IL22RA1: variants seen among roughly 807,000 people sequenced by gnomAD.
The protein encoded by IL22RA1 is interleukin 22 receptor subunit alpha 1, also known as interleukin-22 receptor subunit alpha-1.
Under a neutral mutation model 32.8 loss-of-function variants are expected in IL22RA1, and 25 were observed. The observed-to-expected ratio is 0.76, with a 90% CI of 0.55 to 1.06. The LOEUF (loss-of-function observed/expected upper bound fraction) is 1.06, where lower values mean the gene tolerates loss of function less well. Among genes scored for constraint, IL22RA1 ranks in the 50% least tolerant of loss-of-function variants. IL22RA1 has a pLI of 0.00. For missense variants in IL22RA1, 709 were observed against 727.4 expected, an observed-to-expected ratio of 0.97 and a Z score of 0.29; for synonymous variants, 305 against 305.0, an observed-to-expected ratio of 1.00 and a Z score of 0.00.
In IL22RA1 at chr1:24,120,403, C is replaced by T. The variant is rs914073987; in HGVS notation, c.*402G>A. 6.6e-5 allele frequency: 11 copies of T among 166,284 alleles called. No individual in the cohort carries two copies. Among genetic ancestry groups the T allele is most frequent in the Non-Finnish European group, 1.3e-4 (10 of 77,802 alleles). The allele number at this position is 166,284 out of a possible 1,614,324, so 10.3% of individuals were successfully genotyped here. A position where few individuals can be genotyped will look rare whatever the true frequency, so the allele number is the denominator to read the frequency against. On this transcript the variant is annotated 3_prime_UTR_variant, in exon 7 of 7. Transcript: ENST00000270800. Reference sequence around the variant, plus strand: ...AAGAGGCAGGGGCCTCATGCTCTGTCGAGCTAGATTGTGAAACTGGCCAGG... The same window carrying T: ...AAGAGGCAGGGGCCTCATGCTCTGTTGAGCTAGATTGTGAAACTGGCCAGG...
chr1:24,138,703 C>A lies in IL22RA1; in HGVS notation c.55G>T (p.Glu19Ter). The part of the protein sequence containing the change: ...TVGSLAAHAP[E>*]DPSDLLQHVK... ...TGCTGGAGCAGATCCGAGGGGTCCT[C>A]AGGGGCGTGAGCTGCAGGAGGGTGG... Residue 19 changes from glutamate to a stop codon, truncating the protein, a stop_gained, in exon 2 of 7, where the codon GAG becomes TAG. Transcript: ENST00000270800. LOFTEE classifies it high-confidence loss of function. 1 of 1,614,060 alleles carries A rather than the reference C, an allele frequency of 6.2e-7. No homozygotes were observed. Among genetic ancestry groups the A allele is most frequent in the Non-Finnish European group, 8.5e-7 (1 of 1,179,982 alleles).
chr1:24,124,848 T>A (rs1388187761), intron 5 of IL22RA1, among the ~76,000 whole-genome samples: 1 of 152,142 alleles, frequency 6.6e-6, no homozygotes, highest in Non-Finnish European at 1.5e-5. Context: ...CACCCGAATG[T>A]CTATAACATT....
In IL22RA1 at chr1:24,121,593, C is replaced by A. The variant is rs750294254; in HGVS notation, c.937G>T (p.Ala313Ser). 1.9e-6 allele frequency: 3 copies of A among 1,612,748 alleles called. No homozygotes were observed. The South Asian group carries it at 3.3e-5, about 18-fold the overall frequency. Residue 313 changes from alanine (A) to serine (S), a missense_variant, in exon 7 of 7, where the codon GCA becomes TCA. Physicochemically the swap from Ala to Ser is moderately conservative, Grantham distance 99. Coordinates refer to ENST00000270800, the MANE Select transcript of IL22RA1 (RefSeq NM_021258.4). ...AGGCTATGCCGCTGTGGAGCTCCTG[C>A]GGGCTCCCTGGGTCCAGACACCCTG... ...QIRVSGPREP[A>S]GAPQRHSLSE...
At chr1:24,131,512 C>T (rs1262828929) in intron 4 of IL22RA1, among the ~76,000 whole-genome samples, 1 of 151,916 alleles carries the variant, frequency 6.6e-6, no homozygotes, top group Non-Finnish European at 1.5e-5. Flanking sequence ...AGTATGACTA[C>T]AAATAAAAAG....
intron 3 of IL22RA1, among the ~76,000 whole-genome samples, chr1:24,136,292 G>A (rs149663313): frequency 1.5e-4 from 23 of 152,332 alleles, no homozygotes; most frequent in Non-Finnish European, 2.6e-4. Flanking sequence ...TATGCTGAGG[G>A]CTGGGAATGC....
At chr1:24,142,372 G>C (rs892682019) in intron 1 of IL22RA1, among the ~76,000 whole-genome samples, 8 of 152,266 alleles carry the variant, frequency 5.3e-5, no homozygotes, top group African/African-American at 1.9e-4. Flanking sequence ...AGAGCAGAGA[G>C]AGAGTCTAGG....
rs370338743 is a variant in IL22RA1 at position 24,143,048 on chromosome 1, G to A, written c.35C>T (p.Ser12Phe). 46 of 1,613,268 alleles carry A rather than the reference G, an allele frequency of 2.9e-5. No homozygotes were observed. The African/African-American group carries it at 5.5e-4, about 19-fold the overall frequency. The change falls in exon 1 of 7, where the codon TCC (serine) becomes TTC (phenylalanine). Residue 12 changes from serine (S) to phenylalanine (F), a missense_variant. Transcript: ENST00000270800. ...RTLLTILTVG[S>F]LAAHAPEDPS... is the part of the protein sequence containing the mutation. ...GGTAGATGGGCACTCACCAGCCAGG[G>A]ATCCCACAGTCAAGATGGTCAGCAG...
intron 6 of IL22RA1, 84 bp from the exon 7 acceptor site, chr1:24,121,821 T>C (rs932878385): frequency 1.4e-5 from 16 of 1,131,376 alleles, no homozygotes; most frequent in Non-Finnish European, 1.8e-5. Context: ...GGTGAGGTCC[T>C]CCATAGGGAG....
chr1:24,124,443 G>A (rs7355010), intron 5 of IL22RA1, among the ~76,000 whole-genome samples: 29,362 of 152,148 alleles, frequency 0.19, 3,232 homozygotes, highest in African/African-American at 0.29. Context: ...GGTGCAGCCA[G>A]TTCCAGGCAG....
rs1317781400 is a variant in IL22RA1 at position 24,121,536 on chromosome 1, T to A, written c.994A>T (p.Ile332Phe). Residue 332 changes from isoleucine (I) to phenylalanine (F), a missense_variant, in exon 7 of 7, where the codon ATC becomes TTC. Coordinates refer to ENST00000270800, the MANE Select transcript of IL22RA1 (RefSeq NM_021258.4). Reference sequence around the variant, plus strand: ...ACGTTGGAGGGCTGGAGGATGGAGATGTCTGGCTGCCCTAAGTAGGTGATC... The same window carrying A: ...ACGTTGGAGGGCTGGAGGATGGAGAAGTCTGGCTGCCCTAAGTAGGTGATC... ...SEITYLGQPD[I>F]SILQPSNVPP... 6.3e-7 allele frequency: 1 copy of A among 1,597,394 alleles called. No individual in the cohort carries two copies. Among genetic ancestry groups the A allele is most frequent in the East Asian group, 2.2e-5 (1 of 44,498 alleles).
rs184662831 is a variant in IL22RA1, at chr1:24,128,471, T to C, written c.532-192A>G. Among the ~76,000 whole-genome samples, 604 of 152,164 alleles carry C rather than the reference T, an allele frequency of 4.0e-3. 4 individuals carry two copies. The highest frequency in any genetic ancestry group is 0.014 in the African/African-American group (563 of 41,520). On this transcript the variant is annotated intron_variant, in intron 4 of 6. Coordinates refer to ENST00000270800, the MANE Select transcript of IL22RA1 (RefSeq NM_021258.4). Reference sequence around the variant, plus strand: ...GTCTCCAAGCACGTGTGCCTTTCACTTGCAATAGTGTCTGGCCCATAGGCA... The same window carrying C: ...GTCTCCAAGCACGTGTGCCTTTCACCTGCAATAGTGTCTGGCCCATAGGCA...
rs1013218093 is a variant in IL22RA1 at position 24,121,376 on chromosome 1, A to G, written c.1154T>C (p.Val385Ala). 6.4e-7 allele frequency: 1 copy of G among 1,572,292 alleles called. No homozygotes were observed. Among genetic ancestry groups the G allele is most frequent in the African/African-American group, 1.4e-5 (1 of 73,984 alleles). Residue 385 changes from valine (V) to alanine (A), a missense_variant, in exon 7 of 7, where the codon GTC (valine) becomes GCC (alanine). Physicochemically the swap from Val to Ala is moderately conservative, Grantham distance 64. Coordinates refer to ENST00000270800, the MANE Select transcript of IL22RA1 (RefSeq NM_021258.4). Reference sequence around the variant, plus strand: ...TTGAGGGGCATAGGAGGAAGGCTGGACCTTAGAGATGGCCTGTGGGGCGTA... The same window carrying G: ...TTGAGGGGCATAGGAGGAAGGCTGGGCCTTAGAGATGGCCTGTGGGGCGTA... Reference protein sequence around the residue: ...PFYAPQAISKVQPSSYAPQAT... With the variant: ...PFYAPQAISKAQPSSYAPQAT...
rs1644112839 is a variant in IL22RA1 at position 24,120,611 on chromosome 1, T to C, written c.*194A>G. The C allele has an allele frequency of 5.2e-6, 3 of 581,446 alleles. No individual in the cohort carries two copies. The highest frequency in any genetic ancestry group is 9.1e-6 in the Non-Finnish European group (3 of 331,142). The allele number at this position is 581,446 out of a possible 1,614,324, so 36.0% of individuals were successfully genotyped here. A position where few individuals can be genotyped will look rare whatever the true frequency, so the allele number is the denominator to read the frequency against. ...CCCAGAGCTCCCCCGCTGCAGTCCT[T>C]ATCATGCTGCTTTGCTCCGGTGAGG... is the stretch of plus-strand genomic sequence containing the variant. On this transcript the variant is annotated 3_prime_UTR_variant, in exon 7 of 7. Coordinates refer to ENST00000270800, the MANE Select transcript of IL22RA1 (RefSeq NM_021258.4).
chr1:24,133,087 C>A (rs543940309), intron 4 of IL22RA1, among the ~76,000 whole-genome samples: 1 of 151,370 alleles, frequency 6.6e-6, no homozygotes, highest in East Asian at 2.0e-4. Context: ...GCATGTATTA[C>A]CTGGCATGCC....
At chr1:24,136,910 TG>T (rs200393004) in intron 3 of IL22RA1, among the ~76,000 whole-genome samples, 7 of 136,362 alleles carry the variant, frequency 5.1e-5, no homozygotes, top group Admixed American at 1.6e-4. Context: ...CTAGGGAGGT[TG>T]GGGTGGAGGT....
chr1:24,132,427 GTTCACGCCATTC>G (rs1644212420), intron 4 of IL22RA1, among the ~76,000 whole-genome samples: 1 of 151,414 alleles, frequency 6.6e-6, no homozygotes, highest in African/African-American at 2.4e-5. Flanking sequence ...CACCTCCCGG[GTTCACGCCATTC>G]TTCTACCTCA....
intron 5 of IL22RA1, among the ~76,000 whole-genome samples, chr1:24,126,424 T>C (rs541999269): frequency 1.2e-4 from 19 of 152,326 alleles, no homozygotes; most frequent in African/African-American, 4.6e-4. Flanking sequence ...CTGCCTGGCC[T>C]CTGATTATCA....
chr1:24,136,488 G>A (rs549531942), intron 3 of IL22RA1, among the ~76,000 whole-genome samples: 1 of 145,356 alleles, frequency 6.9e-6, no homozygotes, highest in Non-Finnish European at 1.5e-5. Flanking sequence ...CAGGGCTGGA[G>A]GTGGGGACAC....
At chr1:24,128,083 G>A (rs1315887871) in intron 5 of IL22RA1, 58 bp downstream of exon 5, 22 of 1,468,872 alleles carry the variant, frequency 1.5e-5, no homozygotes, top group Non-Finnish European at 2.0e-5. Context: ...GGAGGAAAGA[G>A]AAGAGTCAAG....
Sources: allele counts gnomAD v4.1 joint callset (sites outside exome capture counted in the v4.1 genomes callset), GRCh38; gene constraint gnomAD v4.1.1; transcripts MANE v1.5; gene names NCBI Gene and HGNC (gene_info 2026-07-23, HGNC 2026-07-21).